COL18A1: variants seen among roughly 807,000 people sequenced by gnomAD.
The protein encoded by COL18A1 is collagen alpha-1(XVIII) chain.
Under a neutral mutation model 168.0 loss-of-function variants are expected in COL18A1, and 133 were observed. The ratio of observed to expected loss-of-function variants is 0.79; its 90% CI spans 0.69 to 0.91. The LOEUF (loss-of-function observed/expected upper bound fraction) is 0.91, where lower values mean the gene tolerates loss of function less well. COL18A1 is among the 40% of genes least tolerant of loss of function. The pLI, the probability that COL18A1 is intolerant of heterozygous loss-of-function variation, is 0.00. For missense variants in COL18A1, 2,126 were observed against 1,925.4 expected, an observed-to-expected ratio of 1.10 and a Z score of -1.95; for synonymous variants, 949 against 809.0, an observed-to-expected ratio of 1.17 and a Z score of -2.94.
At chr21:45,480,345 G>T in intron 11 of COL18A1, 122 bp from the exon 12 acceptor site, 1 of 1,564,330 alleles carries the variant, frequency 6.4e-7, no homozygotes. Context: ...CAGCAGAGGG[G>T]CCGTGGTTTC....
At chr21:45,502,393 G>T (rs887204286) in intron 32 of COL18A1, 1 of 152,248 alleles carries the variant, frequency 6.6e-6, no homozygotes, top group Non-Finnish European at 1.5e-5. Context: ...CAAAATTACA[G>T]CTTTAAGTAG....
chr21:45,429,061 C>G (rs1421112247), intron 2 of COL18A1, among the ~76,000 whole-genome samples: 1 of 151,952 alleles, frequency 6.6e-6, no homozygotes, highest in African/African-American at 2.4e-5. Flanking sequence ...CCACCCCACC[C>G]GGCCAATTTT....
chr21:45,468,924 G>GC (rs1199750660), intron 3 of COL18A1, 138 bp downstream of exon 3: 16 of 922,686 alleles, frequency 1.7e-5, no homozygotes, highest in Non-Finnish European at 4.7e-6. Context: ...CGGGCCTCCA[G>GC]CGCAGGCCTC....
At chr21:45,504,358 G>A (rs981484568) in intron 33 of COL18A1, 58 bp from the exon 34 acceptor site, 3 of 1,561,676 alleles carry the variant, frequency 1.9e-6, no homozygotes, top group South Asian at 2.3e-5. Flanking sequence ...GGGATGGGAG[G>A]CCACCTGTGG....
chr21:45,459,955 C>T (rs1162327325), intron 2 of COL18A1, among the ~76,000 whole-genome samples: 4 of 152,078 alleles, frequency 2.6e-5, no homozygotes, highest in Non-Finnish European at 5.9e-5. Flanking sequence ...CTCCTGAGCT[C>T]TCACAAACCC....
At chr21:45,481,451 T>C (rs2035890890) in intron 13 of COL18A1, among the ~76,000 whole-genome samples, 1 of 152,166 alleles carries the variant, frequency 6.6e-6, no homozygotes. Context: ...CTCGGTAGCA[T>C]GCCATGACGT....
chr21:45,500,860 GT>G (rs2036767013), intron 32 of COL18A1, among the ~76,000 whole-genome samples: 1 of 22,370 alleles, frequency 4.5e-5, no homozygotes, highest in Non-Finnish European at 9.3e-5. Flanking sequence ...GGTGTGTAGT[GT>G]GGGGGTGTGG....
In COL18A1 at chr21:45,504,226, G is replaced by A; in HGVS notation, c.2727+172G>A. 3 of 928,752 alleles carry A rather than the reference G, an allele frequency of 3.2e-6. No homozygotes were observed. The Admixed American group carries it at 6.3e-5, about 19-fold the overall frequency. The allele number at this position is 928,752 out of a possible 1,614,324, so 57.5% of individuals were successfully genotyped here. A position where few individuals can be genotyped will look rare whatever the true frequency, so the allele number is the denominator to read the frequency against. The stretch of plus-strand genomic sequence containing the variant: ...GTCCCTCAGGATGTTCCTGTCCCCG[G>A]CTCAGTTTTTGGGGGACTCGGCTGA... On this transcript the variant is annotated intron_variant, in intron 33 of 41. Transcript: ENST00000651438.
At chr21:45,506,993 C>T (rs2037246439) in intron 37 of COL18A1, 2 of 286,870 alleles carry the variant, frequency 7.0e-6, no homozygotes, top group South Asian at 3.2e-5. Context: ...GATGCAGCCC[C>T]ATCCTAACTT....
intron 2 of COL18A1, among the ~76,000 whole-genome samples, chr21:45,464,820 TC>T (rs1276957894): frequency 1.3e-5 from 2 of 152,298 alleles, no homozygotes; most frequent in African/African-American, 4.8e-5. Context: ...GTGGATCATC[TC>T]CCATCTCCAG....
At chr21:45,405,984 CCGTGGTGT>C (rs879602106) in intron 2 of COL18A1, among the ~76,000 whole-genome samples, 5 of 152,108 alleles carry the variant, frequency 3.3e-5, no homozygotes, top group African/African-American at 4.8e-5. Flanking sequence ...CCCGCGCCCG[CCGTGGTGT>C]CGGGTTGCGC....
At chr21:45,430,277 C>G (rs1164198992) in intron 2 of COL18A1, among the ~76,000 whole-genome samples, 2 of 152,242 alleles carry the variant, frequency 1.3e-5, no homozygotes, top group African/African-American at 4.8e-5. Flanking sequence ...CTAGCGCCCT[C>G]TCGCCTTCTC....
chr21:45,427,606 G>A (rs1008819473), intron 2 of COL18A1, among the ~76,000 whole-genome samples: 11 of 152,206 alleles, frequency 7.2e-5, no homozygotes, highest in African/African-American at 2.7e-4. Flanking sequence ...GGCGGGGAGC[G>A]GAATTCTCCA....
intron 2 of COL18A1, among the ~76,000 whole-genome samples, chr21:45,437,261 CACACTCAG>C (rs1345734314): frequency 1.6e-5 from 2 of 124,528 alleles, no homozygotes; most frequent in African/African-American, 3.6e-5. Context: ...CACACACTCA[CACACTCAG>C]ACACACAGGC....
chr21:45,462,678 T>G (rs939398115), intron 2 of COL18A1, among the ~76,000 whole-genome samples: 3 of 152,246 alleles, frequency 2.0e-5, no homozygotes, highest in African/African-American at 7.2e-5. Flanking sequence ...TTCCTGTAGT[T>G]CTTTGAGCAT....
intron 32 of COL18A1, among the ~76,000 whole-genome samples, chr21:45,500,407 T>C (rs1450921808): frequency 8.9e-6 from 1 of 111,780 alleles, no homozygotes; most frequent in Non-Finnish European, 1.8e-5. Context: ...TATGTGGGTG[T>C]TGGGTGTGTG....
chr21:45,504,961 A>G (rs1447881709), intron 34 of COL18A1, among the ~76,000 whole-genome samples, 173 bp from the exon 35 acceptor site: 1 of 151,906 alleles, frequency 6.6e-6, no homozygotes. Context: ...CCCCCAGGGA[A>G]GAAGGGGTGA....
At chr21:45,454,521 G>C (rs73240317) in intron 2 of COL18A1, among the ~76,000 whole-genome samples, 2 of 152,198 alleles carry the variant, frequency 1.3e-5, no homozygotes, top group Non-Finnish European at 2.9e-5. Context: ...ATGTGTGAAC[G>C]TGTGTGTGAG....
intron 2 of COL18A1, among the ~76,000 whole-genome samples, chr21:45,434,008 CAG>C (rs1186896391): frequency 6.0e-4 from 92 of 152,264 alleles, no homozygotes; most frequent in African/African-American, 2.1e-3. Flanking sequence ...AGGTGCCAAA[CAG>C]ATGTGTGTGC....
Sources: gnomAD v4.1 joint callset for allele counts (sites outside exome capture counted in the v4.1 genomes callset) on GRCh38, gnomAD v4.1.1 for gene constraint, MANE v1.5 for transcripts, NCBI Gene and HGNC (gene_info 2026-07-23, HGNC 2026-07-21) for gene names.